HCN1: variants seen among roughly 807,000 people sequenced by gnomAD.
The protein encoded by HCN1 is hyperpolarization activated cyclic nucleotide gated potassium channel 1.
In HCN1, 13 loss-of-function variants were observed where a neutral mutation model predicts 78.9. The observed-to-expected ratio is 0.16, with a 90% CI of 0.11 to 0.26. HCN1 has a LOEUF of 0.26. Ranked by LOEUF, HCN1 falls within the 10% of genes least tolerant of loss-of-function variation. The probability of loss-of-function intolerance (pLI) is 1.00; values close to 1 mark genes in which losing one functional copy is unlikely to be tolerated. For missense variants in HCN1, 810 were observed against 1,154.3 expected (o/e 0.70, Z 4.32); for synonymous variants, 552 against 455.5 (o/e 1.21, Z -2.70).
At chr5:45,586,139 A>T (rs940431171) in intron 2 of HCN1, among the ~76,000 whole-genome samples, 12 of 152,210 alleles carry the variant, frequency 7.9e-5, no homozygotes, top group African/African-American at 2.7e-4. Flanking sequence ...CTACAGAGGC[A>T]GGCAGGCTTC....
chr5:45,495,798 T>C (rs948275369), intron 2 of HCN1, among the ~76,000 whole-genome samples: 1 of 152,038 alleles, frequency 6.6e-6, no homozygotes, highest in Non-Finnish European at 1.5e-5. Context: ...TTATTGAGAG[T>C]TTTTAGCATG....
intron 1 of HCN1, among the ~76,000 whole-genome samples, chr5:45,684,414 T>A (rs13178796): frequency 0.27 from 41,282 of 152,100 alleles, 5,694 homozygotes; most frequent in East Asian, 0.32. Flanking sequence ...AATACAGGTG[T>A]CCAAACTTTT....
At chr5:45,267,463 T>TAA (rs375114789) in intron 6 of HCN1, among the ~76,000 whole-genome samples, 45 of 141,552 alleles carry the variant, frequency 3.2e-4, no homozygotes, top group African/African-American at 7.7e-4. Context: ...TGTTTTGTTT[T>TAA]AAAAAAAAAA....
At position 45,387,950 on chromosome 5, in the gene HCN1, T is replaced by C. The variant is rs558886437; in HGVS notation, c.1230+8542A>G. 2.0e-5 allele frequency among the ~76,000 whole-genome samples: 3 copies of C among 152,348 alleles called. No individual in the cohort carries two copies. In the South Asian group the frequency reaches 6.2e-4, roughly 32 times the overall value. ...TGATAAAAGCTATGTGAATGTTTATTCGTGCAACTTTCCATTTGATATTTT... is the reference window on the plus strand; with the variant it reads ...TGATAAAAGCTATGTGAATGTTTATCCGTGCAACTTTCCATTTGATATTTT... On this transcript the variant is annotated intron_variant, in intron 4 of 7. Coordinates refer to ENST00000303230, the MANE Select transcript of HCN1 (RefSeq NM_021072.4).
At chr5:45,581,943 G>A (rs1441692800) in intron 2 of HCN1, among the ~76,000 whole-genome samples, 9 of 152,202 alleles carry the variant, frequency 5.9e-5, no homozygotes, top group Non-Finnish European at 1.3e-4. Flanking sequence ...ACAGTTTGAA[G>A]TCAGGTAGTG....
At position 45,257,894 on chromosome 5, in the gene HCN1, C is replaced by A. The variant is rs965635376; in HGVS notation, c.*4027G>T. On this transcript the variant is annotated 3_prime_UTR_variant, in exon 8 of 8. Transcript: ENST00000303230. ...AAATTTTTGGCCATTGTTTTCAGGA[C>A]TCAAAATAGCTCAGCATTCCATTCT... 4 of 152,022 alleles carry A rather than the reference C, an allele frequency of 2.6e-5. No individual in the cohort carries two copies. Among genetic ancestry groups the A allele is most frequent in the Admixed American group, 2.0e-4 (3 of 15,270 alleles). 9.4% of individuals were successfully genotyped at this position (152,022 alleles called of 1,614,324 possible).
At chr5:45,674,887 C>A (rs903130583) in intron 1 of HCN1, among the ~76,000 whole-genome samples, 17 of 151,536 alleles carry the variant, frequency 1.1e-4, no homozygotes, top group South Asian at 6.3e-4. Flanking sequence ...CTAGGCCAGC[C>A]TGGCCAACAT....
At chr5:45,690,011 G>A (rs2112101238) in intron 1 of HCN1, among the ~76,000 whole-genome samples, 1 of 152,178 alleles carries the variant, frequency 6.6e-6, no homozygotes, top group Middle Eastern at 3.4e-3. Context: ...TCTCTAGAAT[G>A]TTCATAGGCA....
At chr5:45,297,249 C>T (rs575931814) in intron 6 of HCN1, among the ~76,000 whole-genome samples, 17 of 152,100 alleles carry the variant, frequency 1.1e-4, no homozygotes, top group East Asian at 1.9e-4. Context: ...AGACACAGAT[C>T]GCTCATGCTA....
chr5:45,670,582 T>C (rs758490732), intron 1 of HCN1, among the ~76,000 whole-genome samples: 4 of 151,736 alleles, frequency 2.6e-5, no homozygotes, highest in Non-Finnish European at 5.9e-5. Flanking sequence ...TCTTAAATTG[T>C]CATGCCCCTA....
intron 5 of HCN1, among the ~76,000 whole-genome samples, chr5:45,340,966 T>C (rs1159975386): frequency 6.6e-6 from 1 of 152,188 alleles, no homozygotes; most frequent in African/African-American, 2.4e-5. Context: ...TTCCATAAAG[T>C]TTTAGTAAAA....
At chr5:45,684,352 C>G (rs978982808) in intron 1 of HCN1, among the ~76,000 whole-genome samples, 3 of 152,112 alleles carry the variant, frequency 2.0e-5, no homozygotes, top group African/African-American at 4.8e-5. Flanking sequence ...CTTGGTGCTT[C>G]TAGCATGTAT....
At chr5:45,484,214 C>T (rs1245061206) in intron 2 of HCN1, among the ~76,000 whole-genome samples, 3 of 152,082 alleles carry the variant, frequency 2.0e-5, no homozygotes, top group Non-Finnish European at 4.4e-5. Context: ...GGGCAGATCA[C>T]AAGGTCAGGA....
intron 3 of HCN1, among the ~76,000 whole-genome samples, chr5:45,449,692 C>G (rs1164178627): frequency 6.6e-6 from 1 of 151,698 alleles, no homozygotes; most frequent in African/African-American, 2.4e-5. Flanking sequence ...GACACCTGGT[C>G]TTCTCCAGTT....
At chr5:45,453,389 A>C (rs1174053708) in intron 3 of HCN1, among the ~76,000 whole-genome samples, 1 of 152,158 alleles carries the variant, frequency 6.6e-6, no homozygotes, top group African/African-American at 2.4e-5. Context: ...ATAAGATATT[A>C]TAATTGCCTT....
intron 3 of HCN1, among the ~76,000 whole-genome samples, chr5:45,459,071 T>G (rs1345439125): frequency 6.6e-6 from 1 of 151,956 alleles, no homozygotes; most frequent in Non-Finnish European, 1.5e-5. Context: ...TCAAAAATGG[T>G]CTTTTTTATG....
At chr5:45,522,793 C>A (rs1742642147) in intron 2 of HCN1, among the ~76,000 whole-genome samples, 1 of 151,908 alleles carries the variant, frequency 6.6e-6, no homozygotes, top group Non-Finnish European at 1.5e-5. Flanking sequence ...ATAGTTGAAA[C>A]ACGCTCATGT....
At chr5:45,499,294 G>A (rs1362225882) in intron 2 of HCN1, among the ~76,000 whole-genome samples, 5 of 152,166 alleles carry the variant, frequency 3.3e-5, no homozygotes, top group East Asian at 1.9e-4. Flanking sequence ...CTCCTGGTGC[G>A]CCGTTTTTTA....
rs115773852 is a variant in HCN1, at chr5:45,431,733, A to G, written c.1011+30113T>C. On this transcript the variant is annotated intron_variant, in intron 3 of 7. Transcript: ENST00000303230. The stretch of plus-strand genomic sequence containing the variant: ...TGTTTTTGTCAACTTTGTCAAAGAT[A>G]AGATGATTATAGGTGTGTAGCATTA... 2.9e-3 allele frequency among the ~76,000 whole-genome samples: 445 copies of G among 152,178 alleles called. 1 individual carries two copies. Among genetic ancestry groups the G allele is most frequent in the African/African-American group, 0.01 (418 of 41,532 alleles).
Sources: allele counts gnomAD v4.1 joint callset (sites outside exome capture counted in the v4.1 genomes callset), GRCh38; gene constraint gnomAD v4.1.1; transcripts MANE v1.5; gene names NCBI Gene and HGNC (gene_info 2026-07-23, HGNC 2026-07-21).